FKRP: variants seen among roughly 807,000 people sequenced by gnomAD.
FKRP encodes the protein ribitol 5-phosphate transferase FKRP.
In FKRP, 25 loss-of-function variants were observed where a neutral mutation model predicts 30.6. The ratio of observed to expected loss-of-function variants is 0.82; its 90% CI spans 0.60 to 1.14. The LOEUF is 1.14. Among genes scored for constraint, FKRP ranks in the 50% most tolerant of loss-of-function variants. FKRP has a pLI of 0.00. For synonymous variants in FKRP, 358 were observed against 342.5 expected (o/e 1.05, Z -0.50); for missense variants, 771 against 727.8 (o/e 1.06, Z -0.68).
Position 46,746,063 on chromosome 19 carries a change from T to G in FKRP, c.-280T>G. The G allele has an allele frequency of 3.6e-6, 4 of 1,125,684 alleles. No homozygotes were observed. Among genetic ancestry groups the G allele is most frequent in the Non-Finnish European group, 4.5e-6 (4 of 893,528 alleles). The allele number at this position is 1,125,684 out of a possible 1,614,324, so 69.7% of individuals were successfully genotyped here. ...CGCCGGCCGTCCCGGCGGCCATTGC[T>G]CCAAGATGGCGGCGGCGGCGGCAGC... On this transcript the variant is annotated 5_prime_UTR_variant, in exon 1 of 4. Transcript: ENST00000318584.
chr19:46,751,129 C>T (rs2054783478), intron 3 of FKRP, among the ~76,000 whole-genome samples: 1 of 151,438 alleles, frequency 6.6e-6, no homozygotes, highest in South Asian at 2.1e-4. Flanking sequence ...GTGGCGCCAT[C>T]ACAGCTCACT....
chr19:46,746,554 G>C (rs2054636982), intron 1 of FKRP: 2 of 432,142 alleles, frequency 4.6e-6, no homozygotes, highest in Non-Finnish European at 6.2e-6. Context: ...AGTAGGAAGG[G>C]GGGCCGGCGG....
At chr19:46,745,027 TC>T (rs949975162), upstream of FKRP, among the ~76,000 whole-genome samples, 3 of 149,516 alleles carry the variant, frequency 2.0e-5, no homozygotes, top group Non-Finnish European at 4.4e-5. Flanking sequence ...CATATCCCCT[TC>T]CCCCCAACCC....
chr19:46,746,166 C>T, intron 1 of FKRP, 76 bp downstream of exon 1: 5 of 1,530,408 alleles, frequency 3.3e-6, no homozygotes, highest in Non-Finnish European at 4.4e-6. Flanking sequence ...TCGGCGCGCT[C>T]GGCCTCCCAG....
chr19:46,753,197 G>A (rs1431199690), intron 3 of FKRP, among the ~76,000 whole-genome samples: 1 of 150,324 alleles, frequency 6.7e-6, no homozygotes, highest in Non-Finnish European at 1.5e-5. Flanking sequence ...TGGGCGCGGT[G>A]GCTCACGCCT....
chr19:46,754,720 C>T (rs1288113856), intron 3 of FKRP, among the ~76,000 whole-genome samples: 1 of 151,924 alleles, frequency 6.6e-6, no homozygotes, highest in Non-Finnish European at 1.5e-5. Context: ...GATTTCCTGC[C>T]TCAGCCTCCT....
intron 1 of FKRP, chr19:46,746,818 AG>A (rs1376017665): frequency 6.6e-6 from 1 of 152,298 alleles, no homozygotes; most frequent in Non-Finnish European, 1.5e-5. Context: ...TCTGAGAGAA[AG>A]GGCGACCAGC....
At chr19:46,753,281 C>A (rs905841186) in intron 3 of FKRP, among the ~76,000 whole-genome samples, 49 of 123,016 alleles carry the variant, frequency 4.0e-4, no homozygotes, top group Non-Finnish European at 1.4e-4. Context: ...GCCTGACCAA[C>A]ATCCCGTCTC....
Position 46,756,063 on chromosome 19 carries a change from C to G in FKRP, c.613C>G (p.Arg205Gly), listed in dbSNP as rs753297636. ...DGDAVVLLRARDLFNLSAPLA... is the reference protein window; with the variant it reads ...DGDAVVLLRAGDLFNLSAPLA... ...AGATGCTGTGGTGCTCCTGCGCGCC[C>G]GCGACCTCTTCAACCTCTCGGCGCC... The change falls in exon 4 of 4, where the codon CGC becomes GGC. Residue 205 changes from arginine to glycine, a missense_variant. Physicochemically the swap from Arg to Gly is moderately radical, Grantham distance 125. Transcript: ENST00000318584. This position sits in a 1 kb window ranked among gnomAD's most constrained non-coding sequence, Gnocchi z 6.6. 134 of 1,572,714 alleles carry G rather than the reference C, an allele frequency of 8.5e-5. No individual in the cohort carries two copies. The highest frequency in any genetic ancestry group is 2.8e-4 in the Admixed American group (16 of 57,474).
At chr19:46,746,381 CAGG>C in intron 1 of FKRP, 1 of 1,117,780 alleles carries the variant, frequency 8.9e-7, no homozygotes, top group East Asian at 4.8e-5. Flanking sequence ...GAGCGGACGG[CAGG>C]AGGAGGCGGC....
intron 1 of FKRP, 154 bp downstream of exon 1, chr19:46,746,244 G>A (rs2054606029): frequency 1.3e-6 from 2 of 1,506,794 alleles, no homozygotes; most frequent in Non-Finnish European, 8.8e-7. Context: ...GGCAGGCTCA[G>A]GGGCTCCGGG....
At chr19:46,750,546 G>T (rs1480087363) in intron 3 of FKRP, among the ~76,000 whole-genome samples, 1 of 152,074 alleles carries the variant, frequency 6.6e-6, no homozygotes, top group Non-Finnish European at 1.5e-5. Context: ...TCGTTTTTGA[G>T]ACTGGGTCTC....
chr19:46,749,333 C>T (rs2054737982), intron 3 of FKRP, among the ~76,000 whole-genome samples: 2 of 150,906 alleles, frequency 1.3e-5, no homozygotes, highest in African/African-American at 4.9e-5. Context: ...TGGATCAACT[C>T]TTGGGTCCAC....
chr19:46,753,038 C>T (rs1410771524), intron 3 of FKRP, among the ~76,000 whole-genome samples: 3 of 148,814 alleles, frequency 2.0e-5, no homozygotes, highest in East Asian at 2.0e-4. Context: ...TGGTGGCACG[C>T]GCCTGTAGTC....
At chr19:46,746,041 C>T, upstream of FKRP, 4 of 1,184,244 alleles carry the variant, frequency 3.4e-6, no homozygotes, top group Non-Finnish European at 4.3e-6. Context: ...GCCCCCCCGC[C>T]GGCCGTCCCG....
At position 46,757,299 on chromosome 19, in the gene FKRP, C is replaced by G. The variant is rs1317488327; in HGVS notation, c.*361C>G. The G allele has an allele frequency of 2.7e-6, 1 of 363,752 alleles. No individual in the cohort carries two copies. The highest frequency in any genetic ancestry group is 2.1e-5 in the African/African-American group (1 of 47,834). The allele number at this position is 363,752 out of a possible 1,614,324, so 22.5% of individuals were successfully genotyped here. A position where few individuals can be genotyped will look rare whatever the true frequency, so the allele number is the denominator to read the frequency against. ...TCTGCCCAAGATTCCGAGAGCCCTGCGCTCTAGGGCAGGGGCAGAGTTTTG... is the reference window on the plus strand; with the variant it reads ...TCTGCCCAAGATTCCGAGAGCCCTGGGCTCTAGGGCAGGGGCAGAGTTTTG... On this transcript the variant is annotated 3_prime_UTR_variant, in exon 4 of 4. Transcript: ENST00000318584.
At position 46,755,668 on chromosome 19, in the gene FKRP, A is replaced by G. The variant is rs2122611023; in HGVS notation, c.218A>G (p.Gln73Arg). The change falls in exon 4 of 4, where the codon CAA (glutamine) becomes CGA (arginine). Residue 73 changes from glutamine (Q) to arginine (R), a missense_variant. Physicochemically the swap from Gln to Arg is conservative, Grantham distance 43. Coordinates refer to ENST00000318584, the MANE Select transcript of FKRP (RefSeq NM_024301.5). ...GAGCTGGTAGACTCCTTCCTGCAGC[A>G]AGACCCAGCCCAGCCCGTGGTGGTG... ...VPELVDSFLQ[Q>R]DPAQPVVVAA... 1 of 1,594,998 alleles carries G rather than the reference A, an allele frequency of 6.3e-7. No homozygotes were observed.
At position 46,755,629 on chromosome 19, in the gene FKRP, A is replaced by C; in HGVS notation, c.179A>C (p.Asp60Ala). Reference sequence around the variant, plus strand: ...CTGGTGCGGGAGTTCGAGGCATTTGACAACGCGGTGCCCGAGCTGGTAGAC... The same window carrying C: ...CTGGTGCGGGAGTTCGAGGCATTTGCCAACGCGGTGCCCGAGCTGGTAGAC... ...TVLVREFEAF[D>A]NAVPELVDSF... is the part of the protein sequence containing the mutation. Residue 60 changes from aspartate (D) to alanine (A), a missense_variant, in exon 4 of 4, where the codon GAC becomes GCC. Physicochemically the swap from Asp to Ala is moderately radical, Grantham distance 126. Coordinates refer to ENST00000318584, the MANE Select transcript of FKRP (RefSeq NM_024301.5). The C allele has an allele frequency of 6.2e-7, 1 of 1,602,418 alleles. No individual in the cohort carries two copies. The highest frequency in any genetic ancestry group is 8.5e-7 in the Non-Finnish European group (1 of 1,177,780).
chr19:46,746,396 G>T (rs2054619295), intron 1 of FKRP: 1 of 1,062,834 alleles, frequency 9.4e-7, no homozygotes, highest in Admixed American at 5.4e-5. Flanking sequence ...GGAGGCGGCG[G>T]CGGCGACCGC....
Sources: gnomAD v4.1 joint callset for allele counts (sites outside exome capture counted in the v4.1 genomes callset) on GRCh38, gnomAD v4.1.1 for gene constraint, Gnocchi (gnomAD v3.1) non-coding constraint, MANE v1.5 for transcripts, NCBI Gene and HGNC (gene_info 2026-07-23, HGNC 2026-07-21) for gene names.